MARCHF1: variants seen among roughly 807,000 people sequenced by gnomAD.
MARCHF1 encodes the protein membrane associated ring-CH-type finger 1, also known as E3 ubiquitin-protein ligase MARCHF1.
In MARCHF1, 40 loss-of-function variants were observed where a neutral mutation model predicts 54.2. The observed-to-expected ratio is 0.74, with a 90% confidence interval of 0.57 to 0.96. The LOEUF (loss-of-function observed/expected upper bound fraction) is 0.96, where lower values mean the gene tolerates loss of function less well. MARCHF1 is among the 40% of genes least tolerant of loss of function. MARCHF1 has a pLI of 0.00. For missense variants in MARCHF1, 586 were observed against 656.5 expected (o/e 0.89, Z 1.17); for synonymous variants, 236 against 236.3 (o/e 1.00, Z 0.01).
intron 1 of MARCHF1, among the ~76,000 whole-genome samples, chr4:164,129,053 T>A (rs1210347080): frequency 6.6e-6 from 1 of 152,182 alleles, no homozygotes; most frequent in Non-Finnish European, 1.5e-5. Context: ...AGATTGCTTA[T>A]GAAAGTGAAG....
intron 4 of MARCHF1, among the ~76,000 whole-genome samples, chr4:163,818,226 A>C (rs1748596230): frequency 6.6e-6 from 1 of 152,062 alleles, no homozygotes; most frequent in East Asian, 1.9e-4. Flanking sequence ...TTTCCTTATT[A>C]AGCATGTCTT....
At chr4:164,008,482 G>T (rs542104547) in intron 2 of MARCHF1, among the ~76,000 whole-genome samples, 81 of 152,060 alleles carry the variant, frequency 5.3e-4, no homozygotes, top group African/African-American at 1.9e-3. Context: ...AGATAAAATA[G>T]ACCTAACTGG....
intron 1 of MARCHF1, among the ~76,000 whole-genome samples, chr4:164,174,426 C>T (rs1730609523): frequency 6.6e-6 from 1 of 152,174 alleles, no homozygotes; most frequent in African/African-American, 2.4e-5. Context: ...AAGCACTGCG[C>T]ACCAGATGTG....
intron 2 of MARCHF1, among the ~76,000 whole-genome samples, chr4:163,995,493 C>G (rs1391371716): frequency 1.3e-5 from 2 of 152,070 alleles, no homozygotes; most frequent in Non-Finnish European, 2.9e-5. Flanking sequence ...CATCTGCAAT[C>G]CTGCTTGGTG....
At chr4:164,166,760 C>T (rs2110960816) in intron 1 of MARCHF1, among the ~76,000 whole-genome samples, 1 of 151,804 alleles carries the variant, frequency 6.6e-6, no homozygotes, top group Admixed American at 6.6e-5. Flanking sequence ...CAAAGATCTA[C>T]CAAAAGCTGT....
At chr4:164,271,511 A>G (rs2111309100) in intron 1 of MARCHF1, among the ~76,000 whole-genome samples, 1 of 152,264 alleles carries the variant, frequency 6.6e-6, no homozygotes, top group African/African-American at 2.4e-5. Flanking sequence ...CCTGTCAACA[A>G]CTTGATTTTA....
chr4:164,209,573 T>C (rs544717959), intron 1 of MARCHF1, among the ~76,000 whole-genome samples: 7 of 152,136 alleles, frequency 4.6e-5, no homozygotes, highest in Non-Finnish European at 8.8e-5. Flanking sequence ...AATACCATGA[T>C]AGCAGAGAGA....
At chr4:163,581,793 T>G (rs145836682) in intron 8 of MARCHF1, among the ~76,000 whole-genome samples, 1 of 152,344 alleles carries the variant, frequency 6.6e-6, no homozygotes, top group East Asian at 1.9e-4. Context: ...TTATATTCTA[T>G]GAACTTTCCA....
At chr4:163,982,366 G>C (rs369171520) in intron 3 of MARCHF1, among the ~76,000 whole-genome samples, 1 of 152,188 alleles carries the variant, frequency 6.6e-6, no homozygotes, top group Non-Finnish European at 1.5e-5. Context: ...GCATTAACCT[G>C]TATGCTCTGG....
At position 164,042,444 on chromosome 4, in the gene MARCHF1, A is replaced by G. The variant is rs185211474; in HGVS notation, c.-247-53735T>C. The stretch of plus-strand genomic sequence containing the variant: ...AAAAGGGAGAGAGAGCAAAGAGGGG[A>G]GGTGCCACAAAGTTTTAAACAAACA... On this transcript the variant is annotated intron_variant, in intron 2 of 9. Coordinates refer to ENST00000514618, the MANE Select transcript of MARCHF1 (RefSeq NM_001394959.1). Among the ~76,000 whole-genome samples the G allele has an allele frequency of 6.8e-3, 1,029 of 152,198 alleles. 7 individuals carry two copies. The highest frequency in any genetic ancestry group is 0.018 in the East Asian group (93 of 5,162).
chr4:164,257,849 G>T (rs967673402), intron 1 of MARCHF1, among the ~76,000 whole-genome samples: 1 of 152,078 alleles, frequency 6.6e-6, no homozygotes, highest in Admixed American at 6.6e-5. Flanking sequence ...GGTGCCTGTA[G>T]TCCCAGCTAC....
chr4:163,527,139 G>A lies in MARCHF1; in HGVS notation c.*1609C>T, dbSNP rs1405833121. ...ACAAAAATAAGTCACCTTTTTTAAT[G>A]TAGGACATCTTTCTTTGACAGGCTA... On this transcript the variant is annotated 3_prime_UTR_variant, in exon 10 of 10. Coordinates refer to ENST00000514618, the MANE Select transcript of MARCHF1 (RefSeq NM_001394959.1). The A allele has an allele frequency of 6.6e-6, 1 of 151,906 alleles. No individual in the cohort carries two copies. The highest frequency in any genetic ancestry group is 1.5e-5 in the Non-Finnish European group (1 of 67,894). 9.4% of individuals were successfully genotyped at this position (151,906 alleles called of 1,614,324 possible).
At chr4:163,725,499 A>G (rs1418545310) in intron 4 of MARCHF1, among the ~76,000 whole-genome samples, 1 of 152,122 alleles carries the variant, frequency 6.6e-6, no homozygotes, top group Non-Finnish European at 1.5e-5. Context: ...AAGTAATAAT[A>G]ACAATAATGA....
chr4:163,824,687 A>G (rs1443291107), intron 4 of MARCHF1, among the ~76,000 whole-genome samples: 1 of 85,118 alleles, frequency 1.2e-5, no homozygotes, highest in Non-Finnish European at 2.7e-5. Flanking sequence ...AGAAACTACC[A>G]TCAGAGTGAA....
chr4:164,377,417 G>A (rs577665884), intron 1 of MARCHF1, among the ~76,000 whole-genome samples: 2 of 152,320 alleles, frequency 1.3e-5, no homozygotes, highest in Middle Eastern at 3.4e-3. Flanking sequence ...AAATCAGTCT[G>A]TATCAGTTGC....
At position 164,160,690 on chromosome 4, in the gene MARCHF1, C is replaced by A. The variant is rs28413820; in HGVS notation, c.-322-49028G>T. On this transcript the variant is annotated intron_variant, in intron 1 of 9. Coordinates refer to ENST00000514618, the MANE Select transcript of MARCHF1 (RefSeq NM_001394959.1). The stretch of plus-strand genomic sequence containing the variant: ...TACAATATTAATGTATGAATTCAAC[C>A]ACTGACAGTGAGTGCTTTCTCTTTC... Among the ~76,000 whole-genome samples the A allele has an allele frequency of 2.0e-5, 3 of 152,024 alleles. No individual in the cohort carries two copies. In the South Asian group the frequency reaches 6.2e-4, roughly 32 times the overall value.
rs1296786578 is a variant in MARCHF1, at chr4:163,551,456, T to G, written c.1192-5713A>C. ...ATTTTAAAAGACCAGCAGAAAAATTTGACCTCTGCAGACCTTTAGTGAAAT... is the reference window on the plus strand; with the variant it reads ...ATTTTAAAAGACCAGCAGAAAAATTGGACCTCTGCAGACCTTTAGTGAAAT... On this transcript the variant is annotated intron_variant, in intron 8 of 9. Transcript: ENST00000514618. 3.3e-5 allele frequency among the ~76,000 whole-genome samples: 5 copies of G among 152,332 alleles called. No individual in the cohort carries two copies. In the South Asian group the frequency reaches 1.0e-3, roughly 32 times the overall value.
intron 5 of MARCHF1, among the ~76,000 whole-genome samples, chr4:163,654,417 T>C (rs1008008044): frequency 7.9e-5 from 12 of 151,686 alleles, no homozygotes; most frequent in African/African-American, 2.9e-4. Context: ...CTCAAGAACA[T>C]TAAATTCTCT....
chr4:164,176,966 CTCTCTCTCTCT>C lies in MARCHF1; in HGVS notation c.-322-65315_-322-65305del, dbSNP rs1730689574. ...GCTCTCTCTCTCTCTCTCTCTCTCT[CTCTCTCTCTCT>C]CTCTATATATATATATATATATATA... On this transcript the variant is annotated intron_variant, in intron 1 of 9. Coordinates refer to ENST00000514618, the MANE Select transcript of MARCHF1 (RefSeq NM_001394959.1). 1.4e-3 allele frequency among the ~76,000 whole-genome samples: 67 copies of C among 46,720 alleles called. 6 individuals carry two copies. Among genetic ancestry groups the C allele is most frequent in the South Asian group, 3.8e-3 (4 of 1,056 alleles). 30.7% of individuals were successfully genotyped at this position (46,720 alleles called of 152,430 possible).
Sources: gnomAD v4.1 joint callset for allele counts (sites outside exome capture counted in the v4.1 genomes callset) on GRCh38, gnomAD v4.1.1 for gene constraint, MANE v1.5 for transcripts, NCBI Gene and HGNC (gene_info 2026-07-23, HGNC 2026-07-21) for gene names.